ANK2: variants seen among roughly 807,000 people sequenced by gnomAD.
ANK2 encodes ankyrin-2.
Under a neutral mutation model 360.5 loss-of-function variants are expected in ANK2, and 83 were observed. That is an observed-to-expected ratio of 0.23 (90% CI 0.19 to 0.28). The LOEUF is 0.28. ANK2 is among the 10% of genes least tolerant of loss of function. ANK2 has a pLI of 1.00. For synonymous variants in ANK2, 1,740 were observed against 1,759.5 expected (o/e 0.99, Z 0.28); for missense variants, 4,201 against 4,795.7 (o/e 0.88, Z 3.66).
intron 2 of ANK2, among the ~76,000 whole-genome samples, chr4:112,990,487 T>G (rs1380293531): frequency 6.9e-6 from 1 of 145,264 alleles, no homozygotes; most frequent in Non-Finnish European, 1.5e-5. Flanking sequence ...TGTCAGAGGG[T>G]TTTTTTTTTA....
intron 39 of ANK2, 63 bp downstream of exon 39, chr4:113,360,960 T>A: frequency 7.0e-7 from 1 of 1,419,020 alleles, no homozygotes; most frequent in South Asian, 1.2e-5. Flanking sequence ...TCAGGTGTCA[T>A]TCACAGCATA....
At chr4:113,105,422 G>A (rs1356032216) in intron 1 of ANK2, among the ~76,000 whole-genome samples, 1 of 152,078 alleles carries the variant, frequency 6.6e-6, no homozygotes, top group African/African-American at 2.4e-5. Context: ...GGCCAGACAG[G>A]TAACAAGAGA....
chr4:113,286,474 G>A (rs1240500362), intron 18 of ANK2, among the ~76,000 whole-genome samples: 3 of 152,146 alleles, frequency 2.0e-5, no homozygotes, highest in Non-Finnish European at 2.9e-5. Context: ...TTTGAAATAA[G>A]GTCAGTGTCC....
chr4:113,111,461 G>T (rs2094292926), intron 1 of ANK2, among the ~76,000 whole-genome samples: 1 of 152,188 alleles, frequency 6.6e-6, no homozygotes, highest in Non-Finnish European at 1.5e-5. Flanking sequence ...GACCTTGAGG[G>T]TTAAGAGGCT....
At chr4:113,167,378 C>T (rs2097784671) in intron 1 of ANK2, among the ~76,000 whole-genome samples, 1 of 151,388 alleles carries the variant, frequency 6.6e-6, no homozygotes, top group African/African-American at 2.4e-5. Flanking sequence ...TGGCTCACTG[C>T]AACCTCTGCC....
chr4:113,316,695 A>G (rs1335239808), intron 24 of ANK2, among the ~76,000 whole-genome samples: 1 of 152,224 alleles, frequency 6.6e-6, no homozygotes, highest in Non-Finnish European at 1.5e-5. Context: ...TACAGTGTAT[A>G]AAATATAGCT....
chr4:113,311,646 C>T (rs1037193411), intron 24 of ANK2, among the ~76,000 whole-genome samples: 3 of 152,034 alleles, frequency 2.0e-5, no homozygotes, highest in Non-Finnish European at 2.9e-5. Context: ...GAAGCAAAAC[C>T]ATCATAAATA....
chr4:113,282,845 G>T lies in ANK2; in HGVS notation c.2052G>T (p.Lys684Asn). The change falls in exon 18 of 46, where the codon AAG becomes AAT. Residue 684 changes from lysine (K) to asparagine (N), a missense_variant. By Grantham distance (94) the Lys-to-Asn change is moderately conservative (BLOSUM62 0). This residue lies in a region of ANK2 where 1,268 missense variants were observed against 1,650.8 expected (regional missense o/e 0.77). Coordinates refer to ENST00000357077, the MANE Select transcript of ANK2 (RefSeq NM_001148.6). ...ATATGGTTACCTTGCTTCTGGATAA[G>T]GGAGCCAATATCCACATGTCAACTA... ...HTDMVTLLLD[K>N]GANIHMSTKS... 6.2e-7 allele frequency: 1 copy of T among 1,613,986 alleles called. No homozygotes were observed. The highest frequency in any genetic ancestry group is 1.1e-5 in the South Asian group (1 of 91,076).
In ANK2 at chr4:113,381,438, CTT is replaced by C; in HGVS notation, c.11860-18_11860-17del. 2 of 1,614,082 alleles carry C rather than the reference CTT, an allele frequency of 1.2e-6. No individual in the cohort carries two copies. The highest frequency in any genetic ancestry group is 1.1e-5 in the South Asian group (1 of 91,070). ...GGCAGTGAAAAGAGCGTAATTCTCTCTTGTCTGCTTTTCTCCAGGACAACAAT... is the reference window on the plus strand; with the variant it reads ...GGCAGTGAAAAGAGCGTAATTCTCTCGTCTGCTTTTCTCCAGGACAACAAT... On this transcript the variant is annotated splice_polypyrimidine_tract_variant and intron_variant, in intron 45 of 45. Transcript: ENST00000357077.
intron 1 of ANK2, among the ~76,000 whole-genome samples, chr4:113,116,288 G>A (rs1390389490): frequency 6.6e-6 from 1 of 152,120 alleles, no homozygotes; most frequent in African/African-American, 2.4e-5. Context: ...AGTGGCTTGG[G>A]TGGTGCCTGC....
At chr4:113,360,272 G>T (rs188818892) in intron 38 of ANK2, among the ~76,000 whole-genome samples, 68 of 152,216 alleles carry the variant, frequency 4.5e-4, no homozygotes, top group African/African-American at 1.6e-3. Context: ...AAATGCATAT[G>T]CTTTTATCCT....
At chr4:113,109,540 G>C (rs1272136310) in intron 1 of ANK2, among the ~76,000 whole-genome samples, 2 of 152,102 alleles carry the variant, frequency 1.3e-5, no homozygotes, top group Non-Finnish European at 2.9e-5. Flanking sequence ...CTCCCTATTG[G>C]ACTGTGCACC....
Position 113,222,815 on chromosome 4 carries a change from C to T in ANK2, c.385-9346C>T, listed in dbSNP as rs191707786. 3.9e-5 allele frequency among the ~76,000 whole-genome samples: 6 copies of T among 152,286 alleles called. No homozygotes were observed. The East Asian group carries it at 1.2e-3, about 29-fold the overall frequency. On this transcript the variant is annotated intron_variant, in intron 4 of 45. Transcript: ENST00000357077. The stretch of plus-strand genomic sequence containing the variant: ...AACTATGAACTAATCTTTTAATCAT[C>T]TTTGGAGAGAGGAAAGTAGTTAAAA...
At chr4:113,317,684 A>G (rs368098235) in intron 24 of ANK2, 23 bp from the exon 25 acceptor site, 16 of 1,588,188 alleles carry the variant, frequency 1.0e-5, no homozygotes, top group South Asian at 3.3e-5. Context: ...GGTATATGCC[A>G]TGGCCTCCTG....
chr4:113,214,707 T>C (rs1410270555), intron 4 of ANK2, among the ~76,000 whole-genome samples: 1 of 152,148 alleles, frequency 6.6e-6, no homozygotes, highest in African/African-American at 2.4e-5. Flanking sequence ...AAATATCCTA[T>C]CTGAAATTAG....
At chr4:113,110,242 C>G (rs2094145257) in intron 1 of ANK2, among the ~76,000 whole-genome samples, 1 of 152,104 alleles carries the variant, frequency 6.6e-6, no homozygotes, top group Non-Finnish European at 1.5e-5. Flanking sequence ...TTTATAAAAT[C>G]ATGGGATCTT....
At chr4:113,196,322 T>C (rs2153388952) in intron 2 of ANK2, 46 bp from the exon 3 acceptor site, 1 of 1,468,502 alleles carries the variant, frequency 6.8e-7, no homozygotes, top group Non-Finnish European at 9.5e-7. Context: ...GGCACTATTT[T>C]CCTCATTACT....
intron 31 of ANK2, 86 bp downstream of exon 31, chr4:113,336,867 A>T (rs1198242918): frequency 7.1e-5 from 93 of 1,311,262 alleles, no homozygotes; most frequent in Admixed American, 1.8e-5. Flanking sequence ...TTGTCATAAG[A>T]TGTCTGCAGG....
At chr4:112,735,764 A>G in the ANK2 span, among the ~76,000 whole-genome samples, 15 of 152,294 alleles carry the variant, frequency 9.8e-5, no homozygotes, top group South Asian at 2.1e-3. Flanking sequence ...GTTTAATCAC[A>G]TTGTTCTGCA....
Sources: gnomAD v4.1 joint callset for allele counts (sites outside exome capture counted in the v4.1 genomes callset) on GRCh38, gnomAD v4.1.1 for gene constraint, gnomAD v4.1.1 regional missense constraint, MANE v1.5 for transcripts, NCBI Gene and HGNC (gene_info 2026-07-23, HGNC 2026-07-21) for gene names.